The following FGFR1 variants were observed in gnomAD, a reference collection of about 807,000 sequenced individuals.
FGFR1 encodes fibroblast growth factor receptor 1.
FGFR1 carries 18 observed loss-of-function variants against 93.7 expected under a neutral mutation model. That is an observed-to-expected ratio of 0.19 (90% confidence interval 0.13 to 0.28). FGFR1 has a LOEUF of 0.28. Among genes scored for constraint, FGFR1 ranks in the 10% least tolerant of loss-of-function variants. The probability of loss-of-function intolerance (pLI) is 1.00; values close to 1 mark genes in which losing one functional copy is unlikely to be tolerated. For synonymous variants in FGFR1, 448 were observed against 429.3 expected, an observed-to-expected ratio of 1.04 and a Z score of -0.54; for missense variants, 731 against 1,080.4, an observed-to-expected ratio of 0.68 and a Z score of 4.53.
chr8:38,460,987 T>C (rs568151122), intron 1 of FGFR1: 16 of 1,410,346 alleles, frequency 1.1e-5, no homozygotes, highest in African/African-American at 1.1e-4. Context: ...GTCTCTCCAA[T>C]ATCAGCTAGG....
chr8:38,447,591 C>T (rs1387622187), intron 2 of FGFR1, among the ~76,000 whole-genome samples: 1 of 152,152 alleles, frequency 6.6e-6, no homozygotes, highest in East Asian at 1.9e-4. Flanking sequence ...AAGCTATTCT[C>T]CTGCCTCAGC....
At chr8:38,461,191 G>A (rs2151428342) in intron 1 of FGFR1, 2 of 1,495,132 alleles carry the variant, frequency 1.3e-6, no homozygotes, top group Non-Finnish European at 1.8e-6. Flanking sequence ...AACATACAGG[G>A]TGGACAGTGT....
At chr8:38,455,301 G>C (rs951120146) in intron 2 of FGFR1, among the ~76,000 whole-genome samples, 1 of 151,784 alleles carries the variant, frequency 6.6e-6, no homozygotes, top group Non-Finnish European at 1.5e-5. Flanking sequence ...TCTTTTTTGA[G>C]ACGGAGTCTC....
intron 5 of FGFR1, 96 bp downstream of exon 5, chr8:38,427,825 G>T: frequency 1.5e-6 from 2 of 1,358,168 alleles, no homozygotes; most frequent in Non-Finnish European, 2.1e-6. Flanking sequence ...TAGGTGGAAA[G>T]TATTACTTAA....
intron 12 of FGFR1, 125 bp downstream of exon 12, chr8:38,417,181 C>A: frequency 2.6e-6 from 2 of 783,038 alleles, no homozygotes; most frequent in South Asian, 2.7e-5. Context: ...ACATTTTAAA[C>A]CTCTGCCAAA....
chr8:38,438,874 C>T (rs1826350067), intron 2 of FGFR1, among the ~76,000 whole-genome samples: 1 of 152,162 alleles, frequency 6.6e-6, no homozygotes, highest in Non-Finnish European at 1.5e-5. Flanking sequence ...CTTATCCTCC[C>T]CTCCTTCCCT....
intron 5 of FGFR1, 26 bp downstream of exon 5, chr8:38,427,895 T>C (rs902970721): frequency 5.6e-6 from 9 of 1,614,148 alleles, no homozygotes; most frequent in Middle Eastern, 1.6e-4. Context: ...CCCATTACTC[T>C]AACTTTCGCA....
At chr8:38,455,033 C>T (rs1158221268) in intron 2 of FGFR1, among the ~76,000 whole-genome samples, 5 of 137,158 alleles carry the variant, frequency 3.6e-5, no homozygotes, top group African/African-American at 8.4e-5. Context: ...TGAAGTGAAG[C>T]GGTGTGATCA....
chr8:38,421,580 C>A, intron 8 of FGFR1: 1 of 623,984 alleles, frequency 1.6e-6, no homozygotes, highest in South Asian at 1.8e-5. Context: ...GGCAGGTGTA[C>A]GGGTGGGAGG....
chr8:38,428,186 T>C (rs1821467187), intron 4 of FGFR1, 93 bp from the exon 5 acceptor site: 10 of 1,565,690 alleles, frequency 6.4e-6, no homozygotes, highest in Non-Finnish European at 7.9e-6. Context: ...TGGAGGTGTC[T>C]TGCCCATCTG....
At chr8:38,437,788 CAG>C (rs1321841543) in intron 2 of FGFR1, among the ~76,000 whole-genome samples, 3 of 152,190 alleles carry the variant, frequency 2.0e-5, no homozygotes, top group African/African-American at 7.2e-5. Flanking sequence ...CACCTCTCTG[CAG>C]AGACTATGAA....
intron 1 of FGFR1, chr8:38,467,726 G>A (rs1235782100): frequency 4.3e-6 from 1 of 233,572 alleles, no homozygotes; most frequent in South Asian, 1.8e-4. Flanking sequence ...GGAAAAGTTG[G>A]GCGGCGGGAA....
Position 38,419,579 on chromosome 8 carries a change from G to C in FGFR1, c.1238C>G (p.Ala413Gly), listed in dbSNP as rs2150706746. 6.2e-7 allele frequency: 1 copy of C among 1,614,124 alleles called. No individual in the cohort carries two copies. Among genetic ancestry groups the C allele is most frequent in the Non-Finnish European group, 8.5e-7 (1 of 1,180,026 alleles). Residue 413 changes from alanine to glycine, a missense_variant, in exon 9 of 18, where the codon GCT becomes GGT. Around this residue, in one of 10 missense-constraint regions of FGFR1, gnomAD observed 146 missense variants for 173.0 expected, o/e 0.84. Coordinates refer to ENST00000447712, the MANE Select transcript of FGFR1 (RefSeq NM_023110.3). ...TKKSDFHSQM[A>G]VHKLAKSIPL... is the part of the protein sequence containing the mutation. ...GATGCTCTTGGCCAGCTTGTGCACA[G>C]CCATCTGGCTGTGGAAGTCACTCTT...
chr8:38,432,288 T>C (rs1823433798), intron 2 of FGFR1, among the ~76,000 whole-genome samples: 1 of 152,148 alleles, frequency 6.6e-6, no homozygotes, highest in South Asian at 2.1e-4. Context: ...CTATACGTGA[T>C]CTGTAAAAGC....
intron 2 of FGFR1, among the ~76,000 whole-genome samples, chr8:38,436,607 G>A (rs1036759829): frequency 1.3e-5 from 2 of 151,906 alleles, no homozygotes; most frequent in African/African-American, 4.8e-5. Flanking sequence ...CTTTTAGTGC[G>A]AGTGACAAGG....
intron 2 of FGFR1, among the ~76,000 whole-genome samples, chr8:38,455,489 C>T (rs1021379285): frequency 6.6e-6 from 1 of 152,122 alleles, no homozygotes; most frequent in African/African-American, 2.4e-5. Flanking sequence ...GATGGGGTTT[C>T]ACCGTGTTAG....
chr8:38,424,210 C>T lies in FGFR1; in HGVS notation c.936+299G>A. The T allele has an allele frequency of 1.8e-6, 1 of 541,342 alleles. No homozygotes were observed. The highest frequency in any genetic ancestry group is 3.5e-6 in the Non-Finnish European group (1 of 284,546). The allele number at this position is 541,342 out of a possible 1,614,324, so 33.5% of individuals were successfully genotyped here. ...TTCGGGCAATGAAAAGGCAGGGGTC[C>T]AAATGCCTTCCTTGTGTAGCTGACC... is the stretch of plus-strand genomic sequence containing the variant. On this transcript the variant is annotated intron_variant, in intron 7 of 17. Coordinates refer to ENST00000447712, the MANE Select transcript of FGFR1 (RefSeq NM_023110.3). The surrounding 1 kb of genome is among the most constrained non-coding windows in gnomAD (Gnocchi z 4.3).
chr8:38,442,362 G>GGTGTGTTTGT (rs1554581712), intron 2 of FGFR1, among the ~76,000 whole-genome samples: 2 of 145,980 alleles, frequency 1.4e-5, no homozygotes, highest in Non-Finnish European at 3.0e-5. Flanking sequence ...TTGTTAAAGT[G>GGTGTGTTTGT]GTGTGTGTGT....
At position 38,429,936 on chromosome 8, in the gene FGFR1, C is replaced by T. The variant is rs2150967003; in HGVS notation, c.104G>A (p.Gly35Glu). Residue 35 changes from glycine to glutamate, a missense_variant, in exon 3 of 18, where the codon GGA (glycine) becomes GAA (glutamate). Gly to Glu is a moderately conservative substitution (Grantham distance 98, BLOSUM62 -2). Transcript: ENST00000447712. The surrounding 1 kb of genome is among the most constrained non-coding windows in gnomAD (Gnocchi z 4.4). ...PTLPEQAQPW[G>E]APVEVESFLV... Reference sequence around the variant, plus strand: ...GAAGGACTCCACTTCCACAGGGGCTCCCCAGGGCTGGGCTGCAGCCACCAC... The same window carrying T: ...GAAGGACTCCACTTCCACAGGGGCTTCCCAGGGCTGGGCTGCAGCCACCAC... The T allele has an allele frequency of 1.9e-6, 3 of 1,609,168 alleles. No homozygotes were observed. Among genetic ancestry groups the T allele is most frequent in the Non-Finnish European group, 2.5e-6 (3 of 1,177,376 alleles).
Sources: allele counts gnomAD v4.1 joint callset (sites outside exome capture counted in the v4.1 genomes callset), GRCh38; gene constraint gnomAD v4.1.1; regional missense constraint gnomAD v4.1.1; non-coding constraint Gnocchi (gnomAD v3.1); transcripts MANE v1.5; gene names NCBI Gene and HGNC (gene_info 2026-07-23, HGNC 2026-07-21).